SPIDR: variants seen among roughly 807,000 people sequenced by gnomAD.
SPIDR encodes the protein DNA repair-scaffolding protein.
A neutral mutation model predicts 104.6 loss-of-function variants in SPIDR; 93 were observed. The observed-to-expected ratio is 0.89, with a 90% confidence interval of 0.75 to 1.06. The LOEUF (loss-of-function observed/expected upper bound fraction) is 1.06, where lower values mean the gene tolerates loss of function less well. Ranked by LOEUF, SPIDR falls within the 50% of genes least tolerant of loss-of-function variation. The pLI is 0.00. For synonymous variants in SPIDR, 431 were observed against 416.9 expected (o/e 1.03, Z -0.41); for missense variants, 1,154 against 1,111.2 (o/e 1.04, Z -0.55).
chr8:47,528,570 A>C (rs1205074806), intron 8 of SPIDR, among the ~76,000 whole-genome samples: 1 of 152,156 alleles, frequency 6.6e-6, no homozygotes, highest in Non-Finnish European at 1.5e-5. Flanking sequence ...GACAACAGGC[A>C]AGAACAGGTG....
chr8:47,721,575 C>T (rs71527681), intron 16 of SPIDR, among the ~76,000 whole-genome samples: 3 of 151,950 alleles, frequency 2.0e-5, no homozygotes, highest in Non-Finnish European at 4.4e-5. Context: ...GGGTTCACGC[C>T]ATTCTCCTGC....
intron 1 of SPIDR, among the ~76,000 whole-genome samples, chr8:47,277,337 T>C (rs2036688688): frequency 6.9e-6 from 1 of 144,326 alleles, no homozygotes; most frequent in Non-Finnish European, 1.5e-5. Context: ...TATGTTATGT[T>C]ATGTTATGTT....
chr8:47,489,601 A>G (rs970826050), intron 8 of SPIDR, among the ~76,000 whole-genome samples: 2 of 152,210 alleles, frequency 1.3e-5, no homozygotes, highest in African/African-American at 2.4e-5. Context: ...ACTTTAAACT[A>G]TACTACAAGG....
chr8:47,429,277 T>G (rs2066935855), intron 7 of SPIDR, among the ~76,000 whole-genome samples: 1 of 152,230 alleles, frequency 6.6e-6, no homozygotes, highest in Non-Finnish European at 1.5e-5. Context: ...ATACCATACC[T>G]GTAAACTCTT....
At chr8:47,600,117 G>C (rs539908993) in intron 10 of SPIDR, among the ~76,000 whole-genome samples, 1 of 152,342 alleles carries the variant, frequency 6.6e-6, no homozygotes, top group African/African-American at 2.4e-5. Context: ...AAGTAACATG[G>C]ATTTCCAACA....
At chr8:47,509,150 T>C (rs1024874489) in intron 8 of SPIDR, among the ~76,000 whole-genome samples, 3 of 152,162 alleles carry the variant, frequency 2.0e-5, no homozygotes, top group African/African-American at 7.2e-5. Context: ...TAACTGTCCA[T>C]TCCCAAATAC....
intron 5 of SPIDR, among the ~76,000 whole-genome samples, chr8:47,378,436 A>G (rs2058929510): frequency 6.6e-6 from 1 of 152,216 alleles, no homozygotes; most frequent in Non-Finnish European, 1.5e-5. Context: ...TTCTTTAAAG[A>G]GAATTCATTT....
At chr8:47,301,249 T>C (rs2042028341) in intron 5 of SPIDR, among the ~76,000 whole-genome samples, 3 of 152,208 alleles carry the variant, frequency 2.0e-5, no homozygotes, top group Non-Finnish European at 4.4e-5. Context: ...GTCTGTTTTA[T>C]CAGAGACTAG....
intron 1 of SPIDR, among the ~76,000 whole-genome samples, chr8:47,264,272 G>C (rs1344132130): frequency 6.6e-6 from 1 of 152,202 alleles, no homozygotes; most frequent in Non-Finnish European, 1.5e-5. Flanking sequence ...AACTGCAATT[G>C]AAAGAGGAAG....
intron 8 of SPIDR, among the ~76,000 whole-genome samples, chr8:47,538,427 C>T (rs1259475058): frequency 6.6e-6 from 1 of 150,682 alleles, no homozygotes; most frequent in Non-Finnish European, 1.5e-5. Context: ...GCCTGTAGTC[C>T]CAGCTACTAG....
intron 5 of SPIDR, among the ~76,000 whole-genome samples, chr8:47,347,049 G>C (rs1443130856): frequency 6.6e-6 from 1 of 152,064 alleles, no homozygotes; most frequent in Non-Finnish European, 1.5e-5. Context: ...TGATGTTAGG[G>C]TGTCGATTTT....
chr8:47,432,763 A>G (rs1297683270), intron 7 of SPIDR, among the ~76,000 whole-genome samples: 1 of 152,172 alleles, frequency 6.6e-6, no homozygotes, highest in Non-Finnish European at 1.5e-5. Flanking sequence ...ACGGGATTTG[A>G]GGCTAGAGCA....
intron 10 of SPIDR, among the ~76,000 whole-genome samples, chr8:47,627,737 C>T (rs1435694021): frequency 6.6e-6 from 1 of 152,138 alleles, no homozygotes; most frequent in Non-Finnish European, 1.5e-5. Context: ...CCCCTGCACA[C>T]TCTGTTCAGT....
At chr8:47,648,906 T>G (rs2071073650) in intron 10 of SPIDR, among the ~76,000 whole-genome samples, 3 of 152,104 alleles carry the variant, frequency 2.0e-5, no homozygotes, top group African/African-American at 7.2e-5. Context: ...AATTGGAAAT[T>G]TGATAAGGAA....
intron 5 of SPIDR, among the ~76,000 whole-genome samples, chr8:47,379,923 C>T (rs540515294): frequency 6.6e-6 from 1 of 152,224 alleles, no homozygotes. Context: ...TCCTAGAACA[C>T]TCACCTGGCT....
At chr8:47,408,415 G>T (rs570301566) in intron 7 of SPIDR, among the ~76,000 whole-genome samples, 4 of 152,016 alleles carry the variant, frequency 2.6e-5, no homozygotes, top group Admixed American at 2.6e-4. Flanking sequence ...TTTTTCCACC[G>T]TGCCCAGCTC....
intron 5 of SPIDR, among the ~76,000 whole-genome samples, chr8:47,313,249 C>T (rs1332954209): frequency 6.6e-6 from 1 of 152,148 alleles, no homozygotes; most frequent in Non-Finnish European, 1.5e-5. Flanking sequence ...AAATCACAAG[C>T]ATTCTTCTAG....
intron 1 of SPIDR, among the ~76,000 whole-genome samples, chr8:47,271,036 G>T (rs1472717189): frequency 1.3e-5 from 2 of 152,120 alleles, no homozygotes. Context: ...CTGTTCCTCA[G>T]GGTAGGGGGG....
chr8:47,353,267 T>C (rs2053903779), intron 5 of SPIDR, among the ~76,000 whole-genome samples: 1 of 152,162 alleles, frequency 6.6e-6, no homozygotes, highest in Non-Finnish European at 1.5e-5. Flanking sequence ...CCTTCTCATT[T>C]GCATCTTACC....
Sources: gnomAD v4.1 joint callset for allele counts (sites outside exome capture counted in the v4.1 genomes callset) on GRCh38, gnomAD v4.1.1 for gene constraint, MANE v1.5 for transcripts, NCBI Gene and HGNC (gene_info 2026-07-23, HGNC 2026-07-21) for gene names.